The following NRXN3 variants were observed in gnomAD, a reference collection of about 807,000 sequenced individuals.
The protein encoded by NRXN3 is neurexin 3.
In NRXN3, 32 loss-of-function variants were observed where a neutral mutation model predicts 137.6. The ratio of observed to expected loss-of-function variants is 0.23; its 90% CI spans 0.18 to 0.31. The LOEUF (loss-of-function observed/expected upper bound fraction) is 0.31. Ranked by LOEUF, NRXN3 falls within the 10% of genes least tolerant of loss-of-function variation. The pLI is 1.00. For synonymous variants in NRXN3, 798 were observed against 784.5 expected (o/e 1.02, Z -0.29); for missense variants, 1,574 against 2,062.5 (o/e 0.76, Z 4.59).
At chr14:78,212,433 C>G (rs1001897269) in intron 1 of NRXN3, among the ~76,000 whole-genome samples, 1 of 152,198 alleles carries the variant, frequency 6.6e-6, no homozygotes, top group African/African-American at 2.4e-5. Flanking sequence ...TGTAGATTCT[C>G]TTGAGGACTA....
At chr14:78,671,100 G>T (rs1407741777) in intron 6 of NRXN3, among the ~76,000 whole-genome samples, 1 of 152,176 alleles carries the variant, frequency 6.6e-6, no homozygotes, top group African/African-American at 2.4e-5. Flanking sequence ...AGGCTTAAAA[G>T]GGAAAATTAG....
chr14:79,697,486 C>G, intron 18 of NRXN3, 144 bp from the exon 19 acceptor site: 2 of 700,970 alleles, frequency 2.9e-6, no homozygotes, highest in East Asian at 5.4e-5. Context: ...TTGCTAACGT[C>G]AGTACTGAGG....
At chr14:79,476,681 T>C (rs1039583481) in intron 16 of NRXN3, among the ~76,000 whole-genome samples, 6 of 152,084 alleles carry the variant, frequency 3.9e-5, no homozygotes, top group African/African-American at 1.4e-4. Context: ...CTAATATTGA[T>C]TGACAAAATA....
chr14:79,338,242 T>TGTGTGA (rs1566842217), intron 15 of NRXN3, among the ~76,000 whole-genome samples: 1 of 151,340 alleles, frequency 6.6e-6, no homozygotes, highest in East Asian at 1.9e-4. Context: ...TGTGTGTGTG[T>TGTGTGA]GTGTGTGTGA....
At chr14:78,711,050 T>C (rs900994701) in intron 7 of NRXN3, among the ~76,000 whole-genome samples, 4 of 152,200 alleles carry the variant, frequency 2.6e-5, no homozygotes, top group African/African-American at 7.2e-5. Context: ...CCTTCTCTGC[T>C]TTTCAGTAAA....
intron 15 of NRXN3, among the ~76,000 whole-genome samples, chr14:79,108,569 A>T (rs1271946038): frequency 6.6e-6 from 1 of 152,198 alleles, no homozygotes; most frequent in Non-Finnish European, 1.5e-5. Context: ...GTACTGTCTG[A>T]AACTTGAAAC....
At chr14:78,788,161 G>C (rs2098794684) in intron 8 of NRXN3, among the ~76,000 whole-genome samples, 1 of 152,098 alleles carries the variant, frequency 6.6e-6, no homozygotes, top group Non-Finnish European at 1.5e-5. Context: ...TCTTTCTACT[G>C]ACCAGTGCTA....
chr14:78,672,665 C>T (rs151060487), intron 6 of NRXN3, among the ~76,000 whole-genome samples: 4 of 152,290 alleles, frequency 2.6e-5, no homozygotes, highest in African/African-American at 4.8e-5. Context: ...GGACTCTTCC[C>T]TCTAGCATAA....
intron 15 of NRXN3, among the ~76,000 whole-genome samples, chr14:79,190,296 T>C (rs2064116565): frequency 6.6e-6 from 1 of 152,186 alleles, no homozygotes; most frequent in African/African-American, 2.4e-5. Flanking sequence ...ACAGATTTCT[T>C]CTTTTTGCTT....
At chr14:79,677,318 A>G (rs1468336434) in intron 17 of NRXN3, among the ~76,000 whole-genome samples, 1 of 152,116 alleles carries the variant, frequency 6.6e-6, no homozygotes, top group East Asian at 1.9e-4. Context: ...TATATGTAAA[A>G]AGTAAATCTA....
Position 79,169,769 on chromosome 14 carries a change from C to T in NRXN3, c.3262+181628C>T, listed in dbSNP as rs183161843. Reference sequence around the variant, plus strand: ...GGCTTTTTCTAACAATTATATTTTCCATGGAATGCTGAAGTCCCACAAGGA... The same window carrying T: ...GGCTTTTTCTAACAATTATATTTTCTATGGAATGCTGAAGTCCCACAAGGA... On this transcript the variant is annotated intron_variant, in intron 15 of 20. Transcript: ENST00000335750. 5.3e-5 allele frequency among the ~76,000 whole-genome samples: 8 copies of T among 152,088 alleles called. No homozygotes were observed. In the East Asian group the frequency reaches 1.5e-3, roughly 29 times the overall value.
chr14:79,208,152 G>T (rs540281473), intron 15 of NRXN3, among the ~76,000 whole-genome samples: 1 of 152,284 alleles, frequency 6.6e-6, no homozygotes, highest in South Asian at 2.1e-4. Flanking sequence ...ATTAGACTGT[G>T]TAGCTCTGAA....
intron 20 of NRXN3, among the ~76,000 whole-genome samples, chr14:79,857,025 C>T (rs1421119487): frequency 6.6e-6 from 1 of 152,130 alleles, no homozygotes; most frequent in Non-Finnish European, 1.5e-5. Flanking sequence ...TTACTCTGCT[C>T]ATAACCCTTT....
At chr14:79,261,782 C>T (rs1392480200) in intron 15 of NRXN3, among the ~76,000 whole-genome samples, 4 of 151,974 alleles carry the variant, frequency 2.6e-5, no homozygotes, top group Non-Finnish European at 2.9e-5. Context: ...TGCAATCCTG[C>T]GGGCAAGTTG....
chr14:78,576,224 G>T lies in NRXN3; in HGVS notation c.758-68896G>T, dbSNP rs2096934498. On this transcript the variant is annotated intron_variant, in intron 4 of 20. Transcript: ENST00000335750. ...TCATCCTGATCAGACCTTTTCTCTT[G>T]GCATTTGTCTCTTCCTCTGCCCAGC... Among the ~76,000 whole-genome samples, 4 of 152,120 alleles carry T rather than the reference G, an allele frequency of 2.6e-5. No homozygotes were observed. In the South Asian group the frequency reaches 8.3e-4, roughly 32 times the overall value.
In NRXN3 at chr14:78,957,346, G is replaced by A. The variant is rs371727888; in HGVS notation, c.2380G>A (p.Asp794Asn). 2 of 1,613,952 alleles carry A rather than the reference G, an allele frequency of 1.2e-6. No individual in the cohort carries two copies. Among genetic ancestry groups the A allele is most frequent in the Non-Finnish European group, 1.7e-6 (2 of 1,180,006 alleles). The change falls in exon 11 of 21, where the codon GAT (aspartate) becomes AAT (asparagine). Residue 794 changes from aspartate to asparagine, a missense_variant. Physicochemically the swap from Asp to Asn is conservative, Grantham distance 23 (BLOSUM62 1). Transcript: ENST00000335750. ...RGKSLKLTVD[D>N]DVAEGTMVGD... The stretch of plus-strand genomic sequence containing the variant: ...AAAAAGCCTTAAGTTAACCGTGGAT[G>A]ATGATGTGGCTGAGGGTGAGTATGA...
chr14:79,673,049 T>C (rs2098619163), intron 17 of NRXN3, among the ~76,000 whole-genome samples: 1 of 151,974 alleles, frequency 6.6e-6, no homozygotes, highest in Non-Finnish European at 1.5e-5. Context: ...ACTCAATCGA[T>C]TGTAATCATA....
intron 15 of NRXN3, among the ~76,000 whole-genome samples, chr14:79,149,583 A>G (rs890950025): frequency 1.3e-5 from 2 of 152,148 alleles, no homozygotes; most frequent in African/African-American, 4.8e-5. Flanking sequence ...ACTATTCACA[A>G]TAGTAAAGAC....
intron 16 of NRXN3, among the ~76,000 whole-genome samples, chr14:79,507,972 C>G (rs2096894157): frequency 6.6e-6 from 1 of 152,098 alleles, no homozygotes; most frequent in Non-Finnish European, 1.5e-5. Context: ...TCTTCTTTCT[C>G]ATAGTATGGG....
Sources: gnomAD v4.1 joint callset for allele counts (sites outside exome capture counted in the v4.1 genomes callset) on GRCh38, gnomAD v4.1.1 for gene constraint, MANE v1.5 for transcripts, NCBI Gene and HGNC (gene_info 2026-07-23, HGNC 2026-07-21) for gene names.